The following C14orf132 variants were observed in gnomAD, a reference collection of about 807,000 sequenced individuals.
C14orf132 encodes chromosome 14 open reading frame 132.
In C14orf132, 6 loss-of-function variants were observed where a neutral mutation model predicts 5.8. That is an observed-to-expected ratio of 1.03 (90% CI 0.57 to 2.04). C14orf132 has a LOEUF of 2.04. C14orf132 is among the 30% of genes most tolerant of loss of function. C14orf132 has a pLI of 0.00. For missense variants in C14orf132, 125 were observed against 115.8 expected (o/e 1.08, Z -0.37); for synonymous variants, 51 against 49.8 (o/e 1.02, Z -0.10).
intron 1 of C14orf132, among the ~76,000 whole-genome samples, chr14:96,055,441 GA>G (rs1887153766): frequency 6.6e-6 from 1 of 152,158 alleles, no homozygotes; most frequent in African/African-American, 2.4e-5. Context: ...AGATAGTCCA[GA>G]ACAGAGACTA....
At chr14:96,079,179 G>A (rs1887961344) in intron 1 of C14orf132, among the ~76,000 whole-genome samples, 1 of 152,206 alleles carries the variant, frequency 6.6e-6, no homozygotes, top group Non-Finnish European at 1.5e-5. Context: ...CACGAGCATG[G>A]AACACGTACA....
chr14:96,039,662 G>A lies in C14orf132; in HGVS notation c.27+135G>A. On this transcript the variant is annotated intron_variant, in intron 1 of 1. Coordinates refer to ENST00000555004, the MANE Select transcript of C14orf132 (RefSeq NM_001252507.3). This position sits in a 1 kb window ranked among gnomAD's most constrained non-coding sequence, Gnocchi z 5.3. The stretch of plus-strand genomic sequence containing the variant: ...GCGTCCCGGTCCTTTGTCCCGAGCC[G>A]GACACCCCCACTTGGTGCACGCGTC... 2 of 945,478 alleles carry A rather than the reference G, an allele frequency of 2.1e-6. No individual in the cohort carries two copies. Among genetic ancestry groups the A allele is most frequent in the South Asian group, 2.9e-5 (1 of 35,030 alleles). 58.6% of individuals were successfully genotyped at this position (945,478 alleles called of 1,614,324 possible).
chr14:96,082,941 A>G (rs530238251), intron 1 of C14orf132, among the ~76,000 whole-genome samples: 1 of 152,200 alleles, frequency 6.6e-6, no homozygotes, highest in Non-Finnish European at 1.5e-5. Flanking sequence ...AAGCTCCACC[A>G]TATGTGGCAA....
At chr14:96,075,557 G>C (rs1002808184) in intron 1 of C14orf132, among the ~76,000 whole-genome samples, 2 of 152,206 alleles carry the variant, frequency 1.3e-5, no homozygotes, top group South Asian at 2.1e-4. Flanking sequence ...TAGGTTGTTT[G>C]GTTTTGTTTT....
In C14orf132 at chr14:96,089,268, G is replaced by C. The variant is rs1196021750; in HGVS notation, c.*2533G>C. On this transcript the variant is annotated 3_prime_UTR_variant, in exon 2 of 2. Transcript: ENST00000555004. ...GGGGAAAAAGATGCCGGTCCTCACT[G>C]CTTAAGTTTTGTGTCCAGGTGCCAC... is the stretch of plus-strand genomic sequence containing the variant. 2 of 152,318 alleles carry C rather than the reference G, an allele frequency of 1.3e-5. No homozygotes were observed. Among genetic ancestry groups the C allele is most frequent in the Non-Finnish European group, 2.9e-5 (2 of 68,108 alleles). 9.4% of individuals were successfully genotyped at this position (152,318 alleles called of 1,614,324 possible).
In C14orf132 at chr14:96,088,616, C is replaced by T. The variant is rs188965286; in HGVS notation, c.*1881C>T. The stretch of plus-strand genomic sequence containing the variant: ...GATGTCTCCATGAGAAAACCCAAGG[C>T]GAGAAGCCCAGAGCCATGGCGGGGT... On this transcript the variant is annotated 3_prime_UTR_variant, in exon 2 of 2. Coordinates refer to ENST00000555004, the MANE Select transcript of C14orf132 (RefSeq NM_001252507.3). 2.6e-5 allele frequency: 4 copies of T among 152,284 alleles called. No individual in the cohort carries two copies. The highest frequency in any genetic ancestry group is 4.8e-5 in the African/African-American group (2 of 41,460). The allele number at this position is 152,284 out of a possible 1,614,324, so 9.4% of individuals were successfully genotyped here.
chr14:96,049,608 A>ACATATATACGTATATATG lies in C14orf132; in HGVS notation c.27+10081_27+10082insCATATATACGTATATATG, dbSNP rs1480293805. 3.0e-3 allele frequency among the ~76,000 whole-genome samples: 269 copies of ACATATATACGTATATATG among 90,280 alleles called. 13 individuals carry two copies. Among genetic ancestry groups the ACATATATACGTATATATG allele is most frequent in the Middle Eastern group, 0.012 (2 of 162 alleles). The allele number at this position is 90,280 out of a possible 152,430, so 59.2% of individuals were successfully genotyped here. On this transcript the variant is annotated intron_variant, in intron 1 of 1. Coordinates refer to ENST00000555004, the MANE Select transcript of C14orf132 (RefSeq NM_001252507.3). ...TATATATACATATATACGTATATAT[A>ACATATATACGTATATATG]TACATATATACGTATATATATACAT...
At chr14:96,050,878 A>T (rs1045675325) in intron 1 of C14orf132, among the ~76,000 whole-genome samples, 1 of 151,920 alleles carries the variant, frequency 6.6e-6, no homozygotes, top group Non-Finnish European at 1.5e-5. Context: ...TGGGAGGGTA[A>T]ATCTATTCCC....
intron 1 of C14orf132, among the ~76,000 whole-genome samples, chr14:96,070,617 C>A (rs1256770070): frequency 6.6e-6 from 1 of 151,782 alleles, no homozygotes; most frequent in Non-Finnish European, 1.5e-5. Flanking sequence ...CACACACACA[C>A]ACACACACAC....
At chr14:96,059,038 G>C (rs996383261) in intron 1 of C14orf132, among the ~76,000 whole-genome samples, 1 of 152,244 alleles carries the variant, frequency 6.6e-6, no homozygotes, top group Non-Finnish European at 1.5e-5. Flanking sequence ...GAGGCGGGCA[G>C]ATTGCTTGAG....
chr14:96,059,162 G>C (rs538685119), intron 1 of C14orf132, among the ~76,000 whole-genome samples: 2 of 152,262 alleles, frequency 1.3e-5, no homozygotes, highest in African/African-American at 4.8e-5. Context: ...GTGCACATCT[G>C]TAGTCCCAGC....
intron 1 of C14orf132, among the ~76,000 whole-genome samples, chr14:96,063,931 T>C (rs748605024): frequency 3.8e-4 from 58 of 152,082 alleles, no homozygotes; most frequent in Non-Finnish European, 1.3e-4. Flanking sequence ...TAGACAATTT[T>C]CAAAAGAAGA....
intron 1 of C14orf132, among the ~76,000 whole-genome samples, chr14:96,074,799 ACACTG>A (rs1887813910): frequency 3.1e-5 from 1 of 32,418 alleles, no homozygotes; most frequent in Non-Finnish European, 5.7e-5. Flanking sequence ...TGCTAACACT[ACACTG>A]TCTTGATAAC....
intron 1 of C14orf132, among the ~76,000 whole-genome samples, chr14:96,043,690 G>A (rs1266454633): frequency 6.6e-6 from 1 of 152,122 alleles, no homozygotes; most frequent in Non-Finnish European, 1.5e-5. Context: ...CAGAGTGTAA[G>A]CCCACCCTAT....
At chr14:96,044,386 C>G (rs530127369) in intron 1 of C14orf132, among the ~76,000 whole-genome samples, 261 of 152,284 alleles carry the variant, frequency 1.7e-3, no homozygotes, top group Middle Eastern at 0.017. Context: ...CATTATATTG[C>G]CCAGGCAGGT....
chr14:96,079,008 G>A (rs559531435), intron 1 of C14orf132, among the ~76,000 whole-genome samples: 27 of 152,318 alleles, frequency 1.8e-4, no homozygotes, highest in Non-Finnish European at 2.5e-4. Flanking sequence ...CCTTTCTTAC[G>A]TTCCCAGTGT....
chr14:96,081,825 C>T lies in C14orf132; in HGVS notation c.28-4686C>T, dbSNP rs56108060. Reference sequence around the variant, plus strand: ...ATGTTACCCGGACTGATCTTGAACTCGTAGCCTCAAGCAATCCTCCCATCT... The same window carrying T: ...ATGTTACCCGGACTGATCTTGAACTTGTAGCCTCAAGCAATCCTCCCATCT... On this transcript the variant is annotated intron_variant, in intron 1 of 1. Transcript: ENST00000555004. Among the ~76,000 whole-genome samples, 823 of 152,282 alleles carry T rather than the reference C, an allele frequency of 5.4e-3. 3 individuals carry two copies. Among genetic ancestry groups the T allele is most frequent in the African/African-American group, 0.019 (787 of 41,556 alleles).
rs1014181989 is a variant in C14orf132 at position 96,087,870 on chromosome 14, G to A, written c.*1135G>A. ...AGCATCTGGGGTCCTGGCAAGCAAGGAAGCTTCCAAGTAAAAACCAGAGAG... is the reference window on the plus strand; with the variant it reads ...AGCATCTGGGGTCCTGGCAAGCAAGAAAGCTTCCAAGTAAAAACCAGAGAG... On this transcript the variant is annotated 3_prime_UTR_variant, in exon 2 of 2. Coordinates refer to ENST00000555004, the MANE Select transcript of C14orf132 (RefSeq NM_001252507.3). The A allele has an allele frequency of 1.3e-5, 2 of 152,124 alleles. No individual in the cohort carries two copies. The highest frequency in any genetic ancestry group is 2.9e-5 in the Non-Finnish European group (2 of 68,034). The allele number at this position is 152,124 out of a possible 1,614,324, so 9.4% of individuals were successfully genotyped here.
At chr14:96,075,834 G>C (rs1475648535) in intron 1 of C14orf132, among the ~76,000 whole-genome samples, 1 of 152,010 alleles carries the variant, frequency 6.6e-6, no homozygotes, top group Non-Finnish European at 1.5e-5. Flanking sequence ...TTTTTGTCTT[G>C]TTCAATTGAG....
Sources: gnomAD v4.1 joint callset for allele counts (sites outside exome capture counted in the v4.1 genomes callset) on GRCh38, gnomAD v4.1.1 for gene constraint, Gnocchi (gnomAD v3.1) non-coding constraint, MANE v1.5 for transcripts, NCBI Gene and HGNC (gene_info 2026-07-23, HGNC 2026-07-21) for gene names.